GATA6: variants seen among roughly 807,000 people sequenced by gnomAD.
The protein encoded by GATA6 is transcription factor GATA-6.
A neutral mutation model predicts 48.1 loss-of-function variants in GATA6; 11 were observed. The ratio of observed to expected loss-of-function variants is 0.23; its 90% CI spans 0.14 to 0.38. The LOEUF (loss-of-function observed/expected upper bound fraction) is 0.38, where lower values mean the gene tolerates loss of function less well. Among genes scored for constraint, GATA6 ranks in the 10% least tolerant of loss-of-function variants. The pLI is 1.00. For synonymous variants in GATA6, 419 were observed against 396.1 expected (o/e 1.06, Z -0.69); for missense variants, 795 against 850.3 (o/e 0.93, Z 0.81).
At chr18:22,176,087 C>A (rs1320077078) in intron 2 of GATA6, among the ~76,000 whole-genome samples, 1 of 152,062 alleles carries the variant, frequency 6.6e-6, no homozygotes, top group East Asian at 1.9e-4. Context: ...ATTCTGAAAA[C>A]TAACCAAAGA....
intron 3 of GATA6, 38 bp from the exon 4 acceptor site, chr18:22,181,415 C>T: frequency 6.2e-6 from 10 of 1,610,108 alleles, no homozygotes; most frequent in Non-Finnish European, 8.5e-6. Flanking sequence ...ATATATGTCA[C>T]TTATATTTTT....
Position 22,200,938 on chromosome 18 carries a change from G to T in GATA6, c.*115G>T. 1 of 1,135,454 alleles carries T rather than the reference G, an allele frequency of 8.8e-7. No individual in the cohort carries two copies. 70.3% of individuals were successfully genotyped at this position (1,135,454 alleles called of 1,614,324 possible). The stretch of plus-strand genomic sequence containing the variant: ...TGCGCTGACAGAACGTGATTCTCGT[G>T]CCTTTATTTTGAAAGAGATGTTTTT... On this transcript the variant is annotated 3_prime_UTR_variant, in exon 7 of 7. Transcript: ENST00000269216.
chr18:22,198,315 CCCT>C (rs1305222871), intron 6 of GATA6, among the ~76,000 whole-genome samples: 1 of 152,170 alleles, frequency 6.6e-6, no homozygotes, highest in Admixed American at 6.5e-5. Flanking sequence ...AAGTAATCCT[CCCT>C]CCTCGGCTTC....
chr18:22,193,129 T>A (rs1184515729), intron 6 of GATA6, among the ~76,000 whole-genome samples: 1 of 152,194 alleles, frequency 6.6e-6, no homozygotes, highest in African/African-American at 2.4e-5. Context: ...ACAAAACTAT[T>A]CTGCTGAATA....
At chr18:22,191,030 C>A (rs1163862278) in intron 6 of GATA6, among the ~76,000 whole-genome samples, 4 of 101,090 alleles carry the variant, frequency 4.0e-5, no homozygotes, top group Non-Finnish European at 5.9e-5. Flanking sequence ...TTTTTTAAAT[C>A]TCGTGTGTGT....
At chr18:22,199,436 A>G (rs1206289754) in intron 6 of GATA6, among the ~76,000 whole-genome samples, 3 of 152,222 alleles carry the variant, frequency 2.0e-5, no homozygotes, top group African/African-American at 7.2e-5. Flanking sequence ...GTACATGATT[A>G]TGGCGAAATT....
intron 2 of GATA6, chr18:22,176,468 A>G (rs2033122933): frequency 6.6e-6 from 1 of 152,618 alleles, no homozygotes; most frequent in Non-Finnish European, 1.5e-5. Flanking sequence ...ACTTTTTAAA[A>G]TTACTTGAGA....
At position 22,202,111 on chromosome 18, in the gene GATA6, G is replaced by T. The variant is rs1161727148; in HGVS notation, c.*1288G>T. 1 of 152,124 alleles carries T rather than the reference G, an allele frequency of 6.6e-6. No homozygotes were observed. Among genetic ancestry groups the T allele is most frequent in the Non-Finnish European group, 1.5e-5 (1 of 68,028 alleles). The allele number at this position is 152,124 out of a possible 1,614,324, so 9.4% of individuals were successfully genotyped here. ...CTTCCTTTCAAAGCATAGTCCTTTT[G>T]GAGCCGTTTTGTACCTTTTATACCT... On this transcript the variant is annotated 3_prime_UTR_variant, in exon 7 of 7. Coordinates refer to ENST00000269216, the MANE Select transcript of GATA6 (RefSeq NM_005257.6).
intron 6 of GATA6, among the ~76,000 whole-genome samples, chr18:22,184,455 A>G (rs551986544): frequency 7.2e-5 from 11 of 152,128 alleles, no homozygotes; most frequent in African/African-American, 2.4e-4. Context: ...GAAAGTGGTA[A>G]ATAGAACATG....
intron 6 of GATA6, 163 bp from the exon 7 acceptor site, chr18:22,200,493 G>A (rs1010789539): frequency 2.6e-5 from 22 of 861,574 alleles, no homozygotes; most frequent in Non-Finnish European, 4.3e-5. Flanking sequence ...CTGGGGGCAG[G>A]GGATAGTAAC....
intron 1 of GATA6, 48 bp downstream of exon 1, chr18:22,169,730 A>G (rs562376160): frequency 6.7e-6 from 1 of 149,424 alleles, no homozygotes; most frequent in Non-Finnish European, 1.5e-5. Flanking sequence ...CCTCCCCTCC[A>G]CCCCTACTCG....
intron 6 of GATA6, among the ~76,000 whole-genome samples, chr18:22,193,432 T>G (rs375783178): frequency 1.3e-5 from 2 of 152,248 alleles, no homozygotes; most frequent in African/African-American, 4.8e-5. Context: ...TTGGAATTTA[T>G]ACAAAGTTTT....
At chr18:22,183,322 GTTTTA>G (rs539381291) in intron 6 of GATA6, among the ~76,000 whole-genome samples, 222 of 152,144 alleles carry the variant, frequency 1.5e-3, no homozygotes, top group Non-Finnish European at 2.6e-3. Context: ...GTTTTAAATT[GTTTTA>G]TTTCCAGGTT....
At chr18:22,182,675 G>T in intron 4 of GATA6, 82 bp from the exon 5 acceptor site, 1 of 1,018,230 alleles carries the variant, frequency 9.8e-7, no homozygotes, top group South Asian at 1.4e-5. Context: ...TCTTTTAAAT[G>T]AGAGCTTTTA....
rs185876851 is a variant in GATA6, at chr18:22,188,369, A to C, written c.1620+5326A>C. ...CGTGCTTTAAAGGAGTGATAACTAG[A>C]GTTGGAGATGGCTCCGCAGAGTAGA... On this transcript the variant is annotated intron_variant, in intron 6 of 6. Transcript: ENST00000269216. Among the ~76,000 whole-genome samples the C allele has an allele frequency of 2.8e-3, 432 of 152,298 alleles. 5 individuals are homozygous for C. Among genetic ancestry groups the C allele is most frequent in the Non-Finnish European group, 3.0e-3 (207 of 68,030 alleles).
intron 2 of GATA6, among the ~76,000 whole-genome samples, chr18:22,176,028 T>G (rs961134240): frequency 2.0e-5 from 3 of 152,212 alleles, no homozygotes; most frequent in African/African-American, 7.2e-5. Context: ...AATGTTACAT[T>G]TACTCTTAAT....
At position 22,202,140 on chromosome 18, in the gene GATA6, C is replaced by T. The variant is rs1426389395; in HGVS notation, c.*1317C>T. ...CCGTTTTGTACCTTTTATACCTTGG[C>T]TTATTTGAAGTTGACACATGGGGTT... On this transcript the variant is annotated 3_prime_UTR_variant, in exon 7 of 7. Transcript: ENST00000269216. The T allele has an allele frequency of 2.0e-5, 3 of 152,076 alleles. No individual in the cohort carries two copies. The highest frequency in any genetic ancestry group is 2.9e-5 in the Non-Finnish European group (2 of 68,002). The allele number at this position is 152,076 out of a possible 1,614,324, so 9.4% of individuals were successfully genotyped here.
At chr18:22,196,480 C>T (rs115713166) in intron 6 of GATA6, among the ~76,000 whole-genome samples, 2,007 of 152,268 alleles carry the variant, frequency 0.013, 46 homozygotes, top group African/African-American at 0.046. Context: ...GTAGCTCGTG[C>T]CTGTGATCCC....
chr18:22,200,887 T>C lies in GATA6; in HGVS notation c.*64T>C. The C allele has an allele frequency of 6.6e-7, 1 of 1,524,576 alleles. No homozygotes were observed. The highest frequency in any genetic ancestry group is 8.9e-7 in the Non-Finnish European group (1 of 1,122,682). 94.4% of individuals were successfully genotyped at this position (1,524,576 alleles called of 1,614,324 possible). ...GCCTCACTCCACTCGTGTCTGCTTTTGTGCAGCGGTCCAGACAGTGGCGAC... is the reference window on the plus strand; with the variant it reads ...GCCTCACTCCACTCGTGTCTGCTTTCGTGCAGCGGTCCAGACAGTGGCGAC... On this transcript the variant is annotated 3_prime_UTR_variant, in exon 7 of 7. Transcript: ENST00000269216.
Sources: allele counts gnomAD v4.1 joint callset (sites outside exome capture counted in the v4.1 genomes callset), GRCh38; gene constraint gnomAD v4.1.1; transcripts MANE v1.5; gene names NCBI Gene and HGNC (gene_info 2026-07-23, HGNC 2026-07-21).